RIT2: variants seen among roughly 807,000 people sequenced by gnomAD.
The protein encoded by RIT2 is GTP-binding protein Rit2.
In RIT2, 24 loss-of-function variants were observed where a neutral mutation model predicts 23.7. The ratio of observed to expected loss-of-function variants is 1.01; its 90% CI spans 0.73 to 1.43. The LOEUF (loss-of-function observed/expected upper bound fraction) is 1.43. RIT2 is among the 40% of genes most tolerant of loss of function. The probability of loss-of-function intolerance (pLI) is 0.00; values close to 1 mark genes in which losing one functional copy is unlikely to be tolerated. For synonymous variants in RIT2, 107 were observed against 91.1 expected, an observed-to-expected ratio of 1.17 and a Z score of -0.99; for missense variants, 236 against 266.9, an observed-to-expected ratio of 0.88 and a Z score of 0.81.
At chr18:42,896,805 T>C (rs1908342487) in intron 4 of RIT2, among the ~76,000 whole-genome samples, 1 of 152,204 alleles carries the variant, frequency 6.6e-6, no homozygotes, top group Admixed American at 6.5e-5. Flanking sequence ...TTATTTACTG[T>C]GTGAATACAA....
Position 43,094,983 on chromosome 18 carries a change from C to T in RIT2, c.103+20434G>A, listed in dbSNP as rs138529502. 4.2e-4 allele frequency among the ~76,000 whole-genome samples: 64 copies of T among 152,150 alleles called. No individual in the cohort carries two copies. The South Asian group carries it at 0.01, about 24-fold the overall frequency. ...TCATTGACAGACATTTGGGTTGCTT[C>T]CAAGTCTTTGCTATTGTGAATTGTG... is the stretch of plus-strand genomic sequence containing the variant. On this transcript the variant is annotated intron_variant, in intron 1 of 4. Coordinates refer to ENST00000326695, the MANE Select transcript of RIT2 (RefSeq NM_002930.4).
At chr18:42,894,941 A>G (rs750814838) in intron 4 of RIT2, among the ~76,000 whole-genome samples, 3 of 152,246 alleles carry the variant, frequency 2.0e-5, no homozygotes, top group African/African-American at 7.2e-5. Flanking sequence ...TATGATGAAC[A>G]TAAATGCAGG....
chr18:43,083,410 C>G (rs1913205245), intron 1 of RIT2, among the ~76,000 whole-genome samples: 1 of 152,062 alleles, frequency 6.6e-6, no homozygotes, highest in South Asian at 2.1e-4. Context: ...AAAAAAGAGC[C>G]CATATATCCA....
intron 4 of RIT2, among the ~76,000 whole-genome samples, chr18:42,848,966 A>T (rs1346208303): frequency 6.6e-6 from 1 of 152,192 alleles, no homozygotes; most frequent in Non-Finnish European, 1.5e-5. Context: ...TACTTATGAA[A>T]CTAGATCACA....
At chr18:42,991,676 G>T (rs1345087204) in intron 2 of RIT2, among the ~76,000 whole-genome samples, 1 of 151,396 alleles carries the variant, frequency 6.6e-6, no homozygotes, top group African/African-American at 2.4e-5. Flanking sequence ...GCCTGTTCCT[G>T]CCTTAACTGA....
At chr18:43,009,514 GA>G (rs1251269030) in intron 2 of RIT2, among the ~76,000 whole-genome samples, 1 of 151,716 alleles carries the variant, frequency 6.6e-6, no homozygotes, top group Non-Finnish European at 1.5e-5. Context: ...TCAGGCAACA[GA>G]AAGTTGGTCA....
intron 3 of RIT2, among the ~76,000 whole-genome samples, chr18:42,945,410 C>A (rs1598725554): frequency 6.6e-6 from 1 of 151,190 alleles, no homozygotes; most frequent in Non-Finnish European, 1.5e-5. Context: ...GTTTAATATT[C>A]ATTTAGGCAC....
In RIT2 at chr18:43,053,437, C is replaced by T. The variant is rs145372607; in HGVS notation, c.104-19570G>A. Among the ~76,000 whole-genome samples, 428 of 151,996 alleles carry T rather than the reference C, an allele frequency of 2.8e-3. 3 individuals are homozygous for T. The highest frequency in any genetic ancestry group is 9.7e-3 in the African/African-American group (401 of 41,462). ...GGAAAGCTATCATAACCCCTTCAAGCAGCAACATATTTCTTATGTATAAAA... is the reference window on the plus strand; with the variant it reads ...GGAAAGCTATCATAACCCCTTCAAGTAGCAACATATTTCTTATGTATAAAA... On this transcript the variant is annotated intron_variant, in intron 1 of 4. Coordinates refer to ENST00000326695, the MANE Select transcript of RIT2 (RefSeq NM_002930.4).
intron 4 of RIT2, among the ~76,000 whole-genome samples, chr18:42,760,664 T>C (rs181206778): frequency 1.2e-3 from 181 of 152,340 alleles, no homozygotes; most frequent in Non-Finnish European, 2.0e-3. Context: ...ATGACCTTAA[T>C]TGAATTACAT....
intron 3 of RIT2, among the ~76,000 whole-genome samples, chr18:42,971,765 C>G (rs183861906): frequency 6.6e-6 from 1 of 151,984 alleles, no homozygotes; most frequent in African/African-American, 2.4e-5. Flanking sequence ...AAAGGGTTAT[C>G]TGCAGCATTC....
chr18:42,887,727 T>C (rs1908060294), intron 4 of RIT2, among the ~76,000 whole-genome samples: 3 of 152,182 alleles, frequency 2.0e-5, no homozygotes, highest in Non-Finnish European at 4.4e-5. Context: ...TACAAAAGCT[T>C]TGTTCATAAT....
intron 2 of RIT2, among the ~76,000 whole-genome samples, chr18:43,025,118 G>T (rs530204357): frequency 6.6e-6 from 1 of 151,456 alleles, no homozygotes; most frequent in Middle Eastern, 3.4e-3. Context: ...TGAGGCAAGA[G>T]AATTTCTTGA....
At chr18:43,011,558 C>A (rs1276431094) in intron 2 of RIT2, among the ~76,000 whole-genome samples, 2 of 151,628 alleles carry the variant, frequency 1.3e-5, no homozygotes, top group Non-Finnish European at 2.9e-5. Context: ...TTATTAAATT[C>A]TTAAAATTAT....
At chr18:43,039,767 T>C (rs778059795) in intron 1 of RIT2, among the ~76,000 whole-genome samples, 1 of 152,188 alleles carries the variant, frequency 6.6e-6, no homozygotes, top group Non-Finnish European at 1.5e-5. Flanking sequence ...AAATTCAGAT[T>C]CAAGAGGCCA....
intron 2 of RIT2, among the ~76,000 whole-genome samples, chr18:43,027,479 G>C (rs929183051): frequency 6.6e-6 from 1 of 152,050 alleles, no homozygotes; most frequent in Admixed American, 6.6e-5. Context: ...TTATGTAGGA[G>C]CATTGGCAGT....
intron 4 of RIT2, among the ~76,000 whole-genome samples, chr18:42,872,955 C>T (rs750527865): frequency 3.4e-4 from 51 of 152,118 alleles, no homozygotes; most frequent in Admixed American, 6.6e-4. Flanking sequence ...CAATGAGTAT[C>T]ACCAGATGTG....
At position 42,985,928 on chromosome 18, in the gene RIT2, A is replaced by C. The variant is rs191167125; in HGVS notation, c.161-11781T>G. Reference sequence around the variant, plus strand: ...AATTGGGCTACATTAAAAACAAAAAACATTGTTCATCGAAAGTTTTTAATA... The same window carrying C: ...AATTGGGCTACATTAAAAACAAAAACCATTGTTCATCGAAAGTTTTTAATA... On this transcript the variant is annotated intron_variant, in intron 2 of 4. Transcript: ENST00000326695. Among the ~76,000 whole-genome samples, 924 of 152,206 alleles carry C rather than the reference A, an allele frequency of 6.1e-3. 4 individuals carry two copies. The highest frequency in any genetic ancestry group is 0.021 in the African/African-American group (867 of 41,560).
intron 4 of RIT2, among the ~76,000 whole-genome samples, chr18:42,770,280 G>C (rs1913521005): frequency 6.6e-6 from 1 of 152,204 alleles, no homozygotes; most frequent in African/African-American, 2.4e-5. Flanking sequence ...ACACCATCCA[G>C]AGCCAGCAGA....
chr18:42,812,272 C>T (rs1009100789), intron 4 of RIT2, among the ~76,000 whole-genome samples: 1 of 152,098 alleles, frequency 6.6e-6, no homozygotes, highest in Non-Finnish European at 1.5e-5. Context: ...CATTTTCCTG[C>T]GTTGAACATC....
Sources: gnomAD v4.1 joint callset for allele counts (sites outside exome capture counted in the v4.1 genomes callset) on GRCh38, gnomAD v4.1.1 for gene constraint, MANE v1.5 for transcripts, NCBI Gene and HGNC (gene_info 2026-07-23, HGNC 2026-07-21) for gene names.